Variants in WDR93 observed in about 807,000 individuals in gnomAD.
WDR93 encodes the protein WD repeat-containing protein 93.
A neutral mutation model predicts 82.9 loss-of-function variants in WDR93; 73 were observed. The ratio of observed to expected loss-of-function variants is 0.88; its 90% CI spans 0.73 to 1.07. The LOEUF is 1.07. Ranked by LOEUF, WDR93 falls within the 50% of genes least tolerant of loss-of-function variation. WDR93 has a pLI of 0.00. For synonymous variants in WDR93, 283 were observed against 300.1 expected (o/e 0.94, Z 0.59); for missense variants, 738 against 826.0 (o/e 0.89, Z 1.31).
intron 9 of WDR93, among the ~76,000 whole-genome samples, chr15:89,727,950 G>A (rs1478005780): frequency 6.6e-6 from 1 of 151,854 alleles, no homozygotes; most frequent in Non-Finnish European, 1.5e-5. Context: ...GCATGGTGGC[G>A]GGCACCTGTA....
intron 11 of WDR93, 123 bp from the exon 12 acceptor site, chr15:89,731,320 C>G: frequency 2.8e-6 from 4 of 1,434,770 alleles, no homozygotes; most frequent in Non-Finnish European, 3.8e-6. Flanking sequence ...TGAGTCCAGA[C>G]AGGTGCTCCT....
chr15:89,708,655 C>G (rs1034209384), intron 4 of WDR93, among the ~76,000 whole-genome samples: 1 of 152,202 alleles, frequency 6.6e-6, no homozygotes, highest in African/African-American at 2.4e-5. Flanking sequence ...TGGACACAGA[C>G]AGTCATAAAA....
chr15:89,708,427 C>T (rs941110103), intron 4 of WDR93, among the ~76,000 whole-genome samples: 7 of 152,044 alleles, frequency 4.6e-5, no homozygotes, highest in African/African-American at 1.4e-4. Flanking sequence ...CTACAGTTGT[C>T]GCAGCTGGCT....
intron 5 of WDR93, among the ~76,000 whole-genome samples, chr15:89,712,570 A>G (rs1224485078): frequency 6.6e-6 from 1 of 151,950 alleles, no homozygotes; most frequent in Non-Finnish European, 1.5e-5. Flanking sequence ...CCTCAATTTC[A>G]GCTTGTCTGA....
chr15:89,728,047 C>G (rs1966807469), intron 9 of WDR93, among the ~76,000 whole-genome samples: 1 of 151,970 alleles, frequency 6.6e-6, no homozygotes, highest in Non-Finnish European at 1.5e-5. Flanking sequence ...CGCCACTGCA[C>G]TGTAGCTTGG....
chr15:89,735,351 A>C, intron 13 of WDR93, 139 bp from the exon 14 acceptor site: 1 of 722,672 alleles, frequency 1.4e-6, no homozygotes, highest in Non-Finnish European at 2.3e-6. Flanking sequence ...GATTGTTCTT[A>C]ATTTTTTGCT....
At chr15:89,702,685 T>A (rs1965527664) in intron 2 of WDR93, among the ~76,000 whole-genome samples, 2 of 152,056 alleles carry the variant, frequency 1.3e-5, no homozygotes, top group African/African-American at 4.8e-5. Flanking sequence ...ATTACAGGGA[T>A]ATGCCACCAT....
intron 11 of WDR93, among the ~76,000 whole-genome samples, chr15:89,731,141 G>T (rs1966855240): frequency 6.6e-6 from 1 of 152,114 alleles, no homozygotes; most frequent in Admixed American, 6.6e-5. Context: ...CTACTTTATA[G>T]AACCCTTGTG....
At chr15:89,729,810 T>A in intron 11 of WDR93, 41 bp downstream of exon 11, 1 of 1,495,428 alleles carries the variant, frequency 6.7e-7, no homozygotes, top group Non-Finnish European at 9.3e-7. Context: ...AGCTCAGGAC[T>A]TGCAGACATG....
Position 89,727,214 on chromosome 15 carries a change from T to TGGGCTCCGGGCA in WDR93, c.940_951dup (p.Gly314_Gln317dup), listed in dbSNP as rs1567121586. Reference sequence around the variant, plus strand: ...GCAAAGATCAAGGACTGCTACGGACTGGGCTCCGGGCAGAATCATTTCATC... The same window carrying TGGGCTCCGGGCA: ...GCAAAGATCAAGGACTGCTACGGACTGGGCTCCGGGCAGGGCTCCGGGCAGAATCATTTCATC... On this transcript the variant is annotated inframe_insertion, in exon 9 of 17. Transcript: ENST00000268130. 2.5e-6 allele frequency: 4 copies of TGGGCTCCGGGCA among 1,614,050 alleles called. No homozygotes were observed. Among genetic ancestry groups the TGGGCTCCGGGCA allele is most frequent in the Non-Finnish European group, 3.4e-6 (4 of 1,180,028 alleles).
chr15:89,738,727 G>C lies in WDR93; in HGVS notation c.1961+491G>C, dbSNP rs562442865. ...CCTCACATGTGGATTGGTAGAAAAA[G>C]AGTCATTAATTCAGGCTGGGAGAAA... On this transcript the variant is annotated intron_variant, in intron 16 of 16. Transcript: ENST00000268130. Among the ~76,000 whole-genome samples, 3 of 151,970 alleles carry C rather than the reference G, an allele frequency of 2.0e-5. No homozygotes were observed. The South Asian group carries it at 6.2e-4, about 32-fold the overall frequency.
At chr15:89,736,982 G>A (rs1052681128) in intron 14 of WDR93, among the ~76,000 whole-genome samples, 30 of 152,066 alleles carry the variant, frequency 2.0e-4, no homozygotes, top group Non-Finnish European at 4.3e-4. Context: ...TAGTAGAGAC[G>A]AGGTTTCACC....
intron 8 of WDR93, among the ~76,000 whole-genome samples, chr15:89,725,711 T>C (rs1171482648): frequency 2.0e-5 from 3 of 151,994 alleles, no homozygotes; most frequent in African/African-American, 4.8e-5. Context: ...TACAGGAACA[T>C]GCCATCAGGC....
chr15:89,727,395 G>A, intron 9 of WDR93, 67 bp downstream of exon 9: 1 of 1,545,618 alleles, frequency 6.5e-7, no homozygotes, highest in African/African-American at 1.4e-5. Context: ...GCACATGCAG[G>A]AATCAACCCA....
At chr15:89,707,358 C>T (rs895568695) in intron 4 of WDR93, among the ~76,000 whole-genome samples, 46 of 152,278 alleles carry the variant, frequency 3.0e-4, no homozygotes, top group African/African-American at 1.0e-3. Flanking sequence ...TGAGACCACC[C>T]TGGCCAACAT....
chr15:89,718,834 C>G (rs887509273), intron 7 of WDR93, among the ~76,000 whole-genome samples: 1 of 152,136 alleles, frequency 6.6e-6, no homozygotes, highest in Non-Finnish European at 1.5e-5. Flanking sequence ...AGGCTAGTCT[C>G]GAACGCCTGA....
intron 14 of WDR93, among the ~76,000 whole-genome samples, chr15:89,736,690 C>CA (rs1967200897): frequency 6.6e-6 from 1 of 151,928 alleles, no homozygotes; most frequent in African/African-American, 2.4e-5. Flanking sequence ...AGCTGGGAGA[C>CA]AGACGCAGGA....
Position 89,731,706 on chromosome 15 carries a change from CTCAT to C in WDR93, c.1330+150_1330+153del. On this transcript the variant is annotated intron_variant, in intron 12 of 16. Transcript: ENST00000268130. ...CTTGGGGAACTGGTCCTACTCCCCT[CTCAT>C]TCATTTATTCAACAAACATTTATTG... 8 of 1,070,996 alleles carry C rather than the reference CTCAT, an allele frequency of 7.5e-6. No homozygotes were observed. In the South Asian group the frequency reaches 1.2e-4, roughly 16 times the overall value. The allele number at this position is 1,070,996 out of a possible 1,614,324, so 66.3% of individuals were successfully genotyped here. A position where few individuals can be genotyped will look rare whatever the true frequency, so the allele number is the denominator to read the frequency against.
chr15:89,733,020 G>GTCGCTGCTCTTCCTCAGGGATGTTTC lies in WDR93; in HGVS notation c.1347_1372dup (p.Cys458SerfsTer16). On this transcript the variant is annotated frameshift_variant, in exon 13 of 17. Transcript: ENST00000268130. LOFTEE classifies it high-confidence loss of function. ...ACTTTCTCTAGGATTCCCTCTTGGGGTCGCTGCTCTTCCTCAGGGATGTTT... is the reference window on the plus strand; with the variant it reads ...ACTTTCTCTAGGATTCCCTCTTGGGGTCGCTGCTCTTCCTCAGGGATGTTTCTCGCTGCTCTTCCTCAGGGATGTTT... The GTCGCTGCTCTTCCTCAGGGATGTTTC allele has an allele frequency of 6.2e-7, 1 of 1,614,122 alleles. No homozygotes were observed. Among genetic ancestry groups the GTCGCTGCTCTTCCTCAGGGATGTTTC allele is most frequent in the South Asian group, 1.1e-5 (1 of 91,078 alleles).
Sources: gnomAD v4.1 joint callset for allele counts (sites outside exome capture counted in the v4.1 genomes callset) on GRCh38, gnomAD v4.1.1 for gene constraint, MANE v1.5 for transcripts, NCBI Gene and HGNC (gene_info 2026-07-23, HGNC 2026-07-21) for gene names.